PTPRQ: variants seen among roughly 807,000 people sequenced by gnomAD.
The protein encoded by PTPRQ is phosphatidylinositol phosphatase PTPRQ.
In PTPRQ, 199 loss-of-function variants were observed where a neutral mutation model predicts 246.0. The observed-to-expected ratio is 0.81, with a 90% CI of 0.72 to 0.91. The LOEUF is 0.91. PTPRQ is among the 40% of genes least tolerant of loss of function. The pLI is 0.00. For missense variants in PTPRQ, 2,624 were observed against 2,528.4 expected, an observed-to-expected ratio of 1.04 and a Z score of -0.81; for synonymous variants, 869 against 853.2, an observed-to-expected ratio of 1.02 and a Z score of -0.32.
intron 18 of PTPRQ, among the ~76,000 whole-genome samples, chr12:80,534,397 C>T (rs897303814): frequency 6.6e-6 from 1 of 151,964 alleles, no homozygotes; most frequent in Non-Finnish European, 1.5e-5. Flanking sequence ...CAGTATCATT[C>T]TACTTCACAG....
intron 27 of PTPRQ, among the ~76,000 whole-genome samples, chr12:80,607,097 C>T (rs939376546): frequency 1.3e-5 from 2 of 150,742 alleles, no homozygotes; most frequent in Non-Finnish European, 3.0e-5. Context: ...TGCTTATTTT[C>T]TACAAGTTAC....
chr12:80,580,166 T>C (rs1197283184), intron 25 of PTPRQ, among the ~76,000 whole-genome samples: 1 of 152,198 alleles, frequency 6.6e-6, no homozygotes, highest in East Asian at 1.9e-4. Flanking sequence ...TACTGGTCAG[T>C]AAAAACTCTC....
chr12:80,617,919 C>T (rs774815170), intron 30 of PTPRQ, among the ~76,000 whole-genome samples: 3 of 151,312 alleles, frequency 2.0e-5, no homozygotes, highest in Non-Finnish European at 4.4e-5. Context: ...CTCAGAACTA[C>T]CTGAAACCTG....
intron 6 of PTPRQ, among the ~76,000 whole-genome samples, chr12:80,466,581 G>A (rs1893424897): frequency 6.6e-6 from 1 of 152,180 alleles, no homozygotes; most frequent in South Asian, 2.1e-4. Context: ...AAAGCTGGAG[G>A]CATCACACTA....
chr12:80,542,244 G>A lies in PTPRQ; in HGVS notation c.3601G>A (p.Asp1201Asn), dbSNP rs1483937646. ...TGAAAATTATTCTTTCATTACTTCT[G>A]ATAATTACATAATATTGGAAGAGCT... ...PNENYSFITSDNYIILEELSP... is the reference protein window; with the variant it reads ...PNENYSFITSNNYIILEELSP... Residue 1201 changes from aspartate to asparagine, a missense_variant, in exon 22 of 45, where the codon GAT (aspartate) becomes AAT (asparagine). Physicochemically the swap from Asp to Asn is conservative, Grantham distance 23 (BLOSUM62 1). Coordinates refer to ENST00000644991, the MANE Select transcript of PTPRQ (RefSeq NM_001145026.2). 1.3e-6 allele frequency: 2 copies of A among 1,550,574 alleles called. No individual in the cohort carries two copies. The highest frequency in any genetic ancestry group is 2.4e-5 in the East Asian group (1 of 40,862).
At chr12:80,631,892 A>G (rs1322595746) in intron 33 of PTPRQ, among the ~76,000 whole-genome samples, 1 of 152,182 alleles carries the variant, frequency 6.6e-6, no homozygotes, top group African/African-American at 2.4e-5. Context: ...AGTTAGATAT[A>G]TAAGTCTGAA....
rs115323139 is a variant in PTPRQ at position 80,674,860 on chromosome 12, C to T, written c.6738+1556C>T. Among the ~76,000 whole-genome samples, 837 of 152,146 alleles carry T rather than the reference C, an allele frequency of 5.5e-3. 1 individual carries two copies. The highest frequency in any genetic ancestry group is 0.02 in the African/African-American group (811 of 41,498). On this transcript the variant is annotated intron_variant, in intron 43 of 44. Coordinates refer to ENST00000644991, the MANE Select transcript of PTPRQ (RefSeq NM_001145026.2). The stretch of plus-strand genomic sequence containing the variant: ...TCTAGCTTTTTGTCAGGTCTGATTA[C>T]ATGTTGTTATTTTTACCTCATAGTA...
intron 25 of PTPRQ, chr12:80,584,105 G>A (rs1236112163): frequency 6.6e-6 from 1 of 152,140 alleles, no homozygotes; most frequent in East Asian, 1.9e-4. Flanking sequence ...CCACTGGATA[G>A]CTCTCTATTT....
At chr12:80,472,275 G>C (rs1384055597) in intron 8 of PTPRQ, 24 bp downstream of exon 8, 2 of 1,549,138 alleles carry the variant, frequency 1.3e-6, no homozygotes, top group South Asian at 1.2e-5. Context: ...GAATGAGTGA[G>C]ATATTTTTGG....
At chr12:80,587,743 A>G (rs1592689345) in intron 25 of PTPRQ, among the ~76,000 whole-genome samples, 1 of 152,228 alleles carries the variant, frequency 6.6e-6, no homozygotes, top group East Asian at 1.9e-4. Flanking sequence ...ATACACAAGT[A>G]TCTTCCCTTG....
At chr12:80,542,388 C>T (rs1475147783) in intron 22 of PTPRQ, 24 bp downstream of exon 22, 3 of 1,516,530 alleles carry the variant, frequency 2.0e-6, no homozygotes, top group Admixed American at 2.6e-5. Context: ...CACATTTCTT[C>T]AAACAATTTC....
intron 28 of PTPRQ, among the ~76,000 whole-genome samples, 175 bp downstream of exon 28, chr12:80,610,800 T>C (rs1898521676): frequency 6.6e-6 from 1 of 150,462 alleles, no homozygotes; most frequent in South Asian, 2.1e-4. Flanking sequence ...ATTTATATTT[T>C]TGAGGTAAAG....
chr12:80,455,467 T>C (rs545061144), intron 3 of PTPRQ, among the ~76,000 whole-genome samples: 1 of 152,344 alleles, frequency 6.6e-6, no homozygotes, highest in East Asian at 1.9e-4. Context: ...GGATATTGGT[T>C]TGAACATTTC....
Position 80,679,080 on chromosome 12 carries a change from T to G in PTPRQ, c.*57T>G. 1 of 1,527,414 alleles carries G rather than the reference T, an allele frequency of 6.5e-7. No homozygotes were observed. The highest frequency in any genetic ancestry group is 8.8e-7 in the Non-Finnish European group (1 of 1,137,170). The allele number at this position is 1,527,414 out of a possible 1,614,324, so 94.6% of individuals were successfully genotyped here. On this transcript the variant is annotated 3_prime_UTR_variant, in exon 45 of 45. Coordinates refer to ENST00000644991, the MANE Select transcript of PTPRQ (RefSeq NM_001145026.2). The stretch of plus-strand genomic sequence containing the variant: ...ATTTTTAAATCCCAGGGGCCAAAGT[T>G]ACCCCCTCATTCTTCCGAATTGAAA...
intron 18 of PTPRQ, 61 bp from the exon 19 acceptor site, chr12:80,534,831 C>T (rs1895940694): frequency 2.0e-6 from 3 of 1,484,168 alleles, no homozygotes; most frequent in Non-Finnish European, 2.7e-6. Flanking sequence ...AAAATTCAGG[C>T]CATTTCAGAC....
intron 26 of PTPRQ, among the ~76,000 whole-genome samples, chr12:80,594,701 T>C (rs1418750741): frequency 1.3e-5 from 2 of 152,168 alleles, no homozygotes; most frequent in East Asian, 3.9e-4. Context: ...TTAGTTCTTT[T>C]TACCTACTCT....
chr12:80,450,640 C>T (rs7964038), intron 3 of PTPRQ, among the ~76,000 whole-genome samples: 15,504 of 151,614 alleles, frequency 0.1, 1,751 homozygotes, highest in African/African-American at 0.28. Flanking sequence ...GATAATCATG[C>T]GGTTTTTGTC....
intron 28 of PTPRQ, among the ~76,000 whole-genome samples, chr12:80,612,373 G>A (rs1197009026): frequency 6.7e-6 from 1 of 150,226 alleles, no homozygotes; most frequent in Non-Finnish European, 1.5e-5. Flanking sequence ...TCACCACAAA[G>A]GAGACATTGT....
chr12:80,632,260 C>G lies in PTPRQ; in HGVS notation c.5755C>G (p.Leu1919Val). The change falls in exon 34 of 45, where the codon CTC becomes GTC. Residue 1919 changes from leucine to valine, a missense_variant. Coordinates refer to ENST00000644991, the MANE Select transcript of PTPRQ (RefSeq NM_001145026.2). ...SVTLCILSII[L>V]LGTAIFAFAR... ...CACTTTGTGTATCCTTTCAATAATT[C>G]TCCTTGGAACAGCTATTTTTGCATT... 6.4e-7 allele frequency: 1 copy of G among 1,551,294 alleles called. No homozygotes were observed. The highest frequency in any genetic ancestry group is 8.7e-7 in the Non-Finnish European group (1 of 1,146,832).
Sources: gnomAD v4.1 joint callset for allele counts (sites outside exome capture counted in the v4.1 genomes callset) on GRCh38, gnomAD v4.1.1 for gene constraint, MANE v1.5 for transcripts, NCBI Gene and HGNC (gene_info 2026-07-23, HGNC 2026-07-21) for gene names.